Variants in TENM1 observed in about 807,000 individuals in gnomAD.
TENM1 encodes the protein teneurin-1.
Under a neutral mutation model 174.8 loss-of-function variants are expected in TENM1, and 35 were observed. The ratio of observed to expected loss-of-function variants is 0.20; its 90% CI spans 0.15 to 0.27. TENM1 has a LOEUF of 0.27. Ranked by LOEUF, TENM1 falls within the 10% of genes least tolerant of loss-of-function variation. The pLI is 1.00. For synonymous variants in TENM1, 781 were observed against 798.7 expected, an observed-to-expected ratio of 0.98 and a Z score of 0.37; for missense variants, 1,633 against 2,130.1, an observed-to-expected ratio of 0.77 and a Z score of 4.59.
At chrX:124,797,544 T>C (rs1287986372) in intron 3 of TENM1, among the ~76,000 whole-genome samples, 1 of 111,570 alleles carries the variant, frequency 9.0e-6, no homozygotes, top group Non-Finnish European at 1.9e-5. Context: ...ATGACTTATT[T>C]TTCCCTGGAA....
the TENM1 span, among the ~76,000 whole-genome samples, chrX:125,054,657 G>A: frequency 8.9e-6 from 1 of 111,870 alleles, no homozygotes; most frequent in African/African-American, 3.2e-5. Context: ...GAAGAAAACA[G>A]CAAGAGAAGG....
the TENM1 span, among the ~76,000 whole-genome samples, chrX:124,980,661 G>A: frequency 9.0e-6 from 1 of 110,907 alleles, no homozygotes; most frequent in African/African-American, 3.3e-5. Context: ...ATGAAAAAAT[G>A]TTAATATTAG....
At chrX:124,810,079 A>C (rs1482708399) in intron 3 of TENM1, among the ~76,000 whole-genome samples, 3 of 110,980 alleles carry the variant, frequency 2.7e-5, no homozygotes, top group Non-Finnish European at 3.8e-5. Context: ...CAGAAGAAAG[A>C]CCATATATGA....
At chrX:124,903,091 T>C (rs1350394445) in intron 1 of TENM1, among the ~76,000 whole-genome samples, 1 of 111,975 alleles carries the variant, frequency 8.9e-6, no homozygotes, top group Non-Finnish European at 1.9e-5. Flanking sequence ...TAAGATGACT[T>C]AAATAAAATA....
At chrX:124,921,198 C>A (rs1331675004) in intron 1 of TENM1, among the ~76,000 whole-genome samples, 1 of 109,039 alleles carries the variant, frequency 9.2e-6, no homozygotes, top group East Asian at 2.9e-4. Flanking sequence ...AGAAATTACC[C>A]CCCCAAATTC....
In TENM1 at chrX:124,497,274, A is replaced by C. The variant is rs2047223981; in HGVS notation, c.3446-9T>G. 8 of 1,190,228 alleles carry C rather than the reference A, an allele frequency of 6.7e-6. No individual in the cohort carries two copies. The East Asian group carries it at 2.4e-4, about 36-fold the overall frequency. ...CCCTTTATGTATGATTCCTAGATTC[A>C]AGGAAAACAAAAAGAGAATTTAAGA... On this transcript the variant is annotated splice_polypyrimidine_tract_variant and intron_variant, in intron 19 of 31. Coordinates refer to ENST00000422452, the Ensembl canonical transcript of TENM1.
chrX:124,461,211 A>C (rs2061169115), intron 22 of TENM1, among the ~76,000 whole-genome samples: 1 of 112,126 alleles, frequency 8.9e-6, no homozygotes, highest in South Asian at 3.7e-4. Context: ...ACCTAGGTCA[A>C]AATAGCTTTT....
intron 6 of TENM1, among the ~76,000 whole-genome samples, chrX:124,666,377 G>C (rs2051763696): frequency 9.0e-6 from 1 of 111,155 alleles, no homozygotes; most frequent in African/African-American, 3.3e-5. Context: ...GACAATACAA[G>C]ACTTTACCTG....
At chrX:124,549,440 G>C (rs984210434) in intron 14 of TENM1, among the ~76,000 whole-genome samples, 3 of 111,691 alleles carry the variant, frequency 2.7e-5, no homozygotes. Context: ...ACATTGGGCA[G>C]TCACAGGTTT....
chrX:124,676,533 C>T (rs1042739305), intron 5 of TENM1, among the ~76,000 whole-genome samples: 2 of 105,370 alleles, frequency 1.9e-5, no homozygotes, highest in Middle Eastern at 9.9e-3. Flanking sequence ...TATTCTCCTT[C>T]CTTTTCTATC....
intron 3 of TENM1, among the ~76,000 whole-genome samples, chrX:124,788,409 A>G (rs2055094540): frequency 9.0e-6 from 1 of 111,615 alleles, no homozygotes; most frequent in Non-Finnish European, 1.9e-5. Flanking sequence ...CCTTCCCAAC[A>G]GTCCCCTAAA....
chrX:124,698,855 T>C (rs182142871), intron 5 of TENM1, among the ~76,000 whole-genome samples: 1 of 111,644 alleles, frequency 9.0e-6, no homozygotes, highest in Admixed American at 9.6e-5. Flanking sequence ...GAACCCTAAA[T>C]GGATAAGCCT....
chrX:124,494,331 A>G (rs1316444457), intron 20 of TENM1, among the ~76,000 whole-genome samples: 1 of 110,989 alleles, frequency 9.0e-6, no homozygotes, highest in Non-Finnish European at 1.9e-5. Flanking sequence ...ATAGGATAGC[A>G]TCTAGATCTT....
At chrX:124,736,991 A>G (rs1388668529) in exon 4 of TENM1, 1 of 1,211,351 alleles carries the variant, frequency 8.3e-7, no homozygotes, top group East Asian at 3.0e-5. Context: ...TTCAGGACCC[A>G]GCTGTTATGC....
chrX:124,457,417 G>A (rs1207719915), intron 22 of TENM1, among the ~76,000 whole-genome samples: 3 of 111,821 alleles, frequency 2.7e-5, no homozygotes, highest in African/African-American at 3.2e-5. Flanking sequence ...CCCATGCAAA[G>A]TAGGGGATAT....
intron 20 of TENM1, among the ~76,000 whole-genome samples, chrX:124,488,787 A>G (rs1164044902): frequency 8.9e-6 from 1 of 112,191 alleles, no homozygotes; most frequent in Non-Finnish European, 1.9e-5. Context: ...ATCTCATTAA[A>G]ATATGGTTTC....
Position 124,517,180 on chromosome X carries a change from G to C in TENM1, c.3301+3337C>G, listed in dbSNP as rs146829711. Among the ~76,000 whole-genome samples the C allele has an allele frequency of 2.2e-3, 244 of 110,772 alleles. 1 individual carries two copies. The highest frequency in any genetic ancestry group is 7.6e-3 in the African/African-American group (231 of 30,440). On this transcript the variant is annotated intron_variant, in intron 18 of 31. Coordinates refer to ENST00000422452, the Ensembl canonical transcript of TENM1. ...GAGGCTGGGAGGAGGGAAAGGAGCA[G>C]CAAAAATAACTATTGGGTACTAGGC...
the TENM1 span, among the ~76,000 whole-genome samples, chrX:125,171,632 G>C: frequency 3.6e-5 from 4 of 111,210 alleles, no homozygotes; most frequent in Non-Finnish European, 7.6e-5. Context: ...AGAATACAAT[G>C]AGAAGTCACA....
intron 5 of TENM1, among the ~76,000 whole-genome samples, chrX:124,677,114 ATATT>A (rs2052108555): frequency 9.0e-6 from 1 of 111,349 alleles, no homozygotes; most frequent in African/African-American, 3.2e-5. Context: ...GTTAAATAAA[ATATT>A]TATTTAAATT....
Sources: gnomAD v4.1 joint callset for allele counts (sites outside exome capture counted in the v4.1 genomes callset) on GRCh38, gnomAD v4.1.1 for gene constraint, MANE v1.5 for transcripts, NCBI Gene and HGNC (gene_info 2026-07-23, HGNC 2026-07-21) for gene names.